Variants in FAM222B observed in about 807,000 individuals in gnomAD.
FAM222B encodes protein FAM222B.
In FAM222B, 12 loss-of-function variants were observed where a neutral mutation model predicts 38.0. That is an observed-to-expected ratio of 0.32 (90% CI 0.20 to 0.51). FAM222B has a LOEUF of 0.51. Ranked by LOEUF, FAM222B falls within the 20% of genes least tolerant of loss-of-function variation. The pLI is 0.97. For missense variants in FAM222B, 716 were observed against 754.2 expected, an observed-to-expected ratio of 0.95 and a Z score of 0.59; for synonymous variants, 329 against 317.2, an observed-to-expected ratio of 1.04 and a Z score of -0.40.
At chr17:28,845,726 T>C (rs2039141070), upstream of FAM222B, among the ~76,000 whole-genome samples, 1 of 148,722 alleles carries the variant, frequency 6.7e-6, no homozygotes, top group Admixed American at 6.8e-5. Flanking sequence ...AAACCCCATC[T>C]CTACTAAAAA....
At chr17:28,813,702 A>ATT (rs571045731) in intron 1 of FAM222B, among the ~76,000 whole-genome samples, 367 of 135,326 alleles carry the variant, frequency 2.7e-3, no homozygotes, top group South Asian at 0.01. Context: ...CGCCCAGCTA[A>ATT]TTTTTTTTTT....
chr17:28,771,803 T>C (rs1211370006), intron 1 of FAM222B, among the ~76,000 whole-genome samples: 4 of 149,774 alleles, frequency 2.7e-5, no homozygotes, highest in East Asian at 4.0e-4. Context: ...GCCTGTAATC[T>C]CAGCACTTTG....
At chr17:28,789,680 A>C (rs1351692129) in intron 1 of FAM222B, among the ~76,000 whole-genome samples, 1 of 152,168 alleles carries the variant, frequency 6.6e-6, no homozygotes, top group Non-Finnish European at 1.5e-5. Context: ...AACAGGGCCT[A>C]CTCTTGGTTT....
chr17:28,836,879 C>A (rs1000756152), intron 1 of FAM222B, among the ~76,000 whole-genome samples: 5 of 151,966 alleles, frequency 3.3e-5, no homozygotes, highest in Non-Finnish European at 7.4e-5. Flanking sequence ...GAGGGGTGGG[C>A]TCCTCCCTTA....
chr17:28,832,462 C>A (rs1171596142), intron 1 of FAM222B, among the ~76,000 whole-genome samples: 2 of 152,176 alleles, frequency 1.3e-5, no homozygotes, highest in Non-Finnish European at 2.9e-5. Context: ...ACTTTACAAA[C>A]AATGGTCCCT....
chr17:28,792,287 G>A (rs1435941418), intron 1 of FAM222B, among the ~76,000 whole-genome samples: 3 of 149,376 alleles, frequency 2.0e-5, no homozygotes, highest in Non-Finnish European at 3.0e-5. Flanking sequence ...ACTCCTGCCT[G>A]GGCGACCCAG....
At chr17:28,771,153 G>C (rs950117386) in intron 1 of FAM222B, among the ~76,000 whole-genome samples, 3 of 151,790 alleles carry the variant, frequency 2.0e-5, no homozygotes, top group African/African-American at 7.3e-5. Context: ...CTTTATAAAA[G>C]AACAGGAAAA....
chr17:28,769,126 C>T (rs981688488), intron 1 of FAM222B, among the ~76,000 whole-genome samples: 2 of 150,684 alleles, frequency 1.3e-5, no homozygotes, highest in Admixed American at 6.6e-5. Flanking sequence ...GTCTGTTCCA[C>T]GCTTACCCTT....
intron 1 of FAM222B, among the ~76,000 whole-genome samples, chr17:28,820,503 C>G (rs1370092023): frequency 6.6e-6 from 1 of 152,114 alleles, no homozygotes; most frequent in Non-Finnish European, 1.5e-5. Context: ...GTGAGTGTTT[C>G]TATTGATTGG....
At chr17:28,847,962 A>T (rs1395482272) in intron 1 of FAM222B, among the ~76,000 whole-genome samples, 1 of 151,990 alleles carries the variant, frequency 6.6e-6, no homozygotes, top group Non-Finnish European at 1.5e-5. Context: ...AAAATAGTGT[A>T]GTGAAGATGA....
intron 1 of FAM222B, among the ~76,000 whole-genome samples, chr17:28,838,449 G>A (rs972691941): frequency 6.0e-5 from 9 of 151,012 alleles, no homozygotes; most frequent in East Asian, 2.0e-4. Context: ...GCGTGGTGAC[G>A]GGCACCTGTA....
At chr17:28,818,513 C>T (rs2038105536) in intron 1 of FAM222B, among the ~76,000 whole-genome samples, 1 of 146,620 alleles carries the variant, frequency 6.8e-6, no homozygotes, top group Admixed American at 6.9e-5. Context: ...GTCTCCAGGG[C>T]GACAGAGCGA....
At chr17:28,847,969 A>G (rs563599924) in intron 1 of FAM222B, among the ~76,000 whole-genome samples, 1 of 152,060 alleles carries the variant, frequency 6.6e-6, no homozygotes, top group East Asian at 1.9e-4. Context: ...TGTAGTGAAG[A>G]TGAAGGAGAG....
At chr17:28,843,034 A>G (rs571935876), upstream of FAM222B, among the ~76,000 whole-genome samples, 8 of 152,178 alleles carry the variant, frequency 5.3e-5, no homozygotes, top group South Asian at 1.7e-3. Context: ...GCGCTTCCCC[A>G]AGGAGCCACA....
At chr17:28,772,366 G>A (rs1446543589) in intron 1 of FAM222B, among the ~76,000 whole-genome samples, 1 of 152,086 alleles carries the variant, frequency 6.6e-6, no homozygotes, top group Admixed American at 6.6e-5. Context: ...AGTAGGAGAT[G>A]TGGATCCTAA....
chr17:28,854,917 A>G, intron 1 of FAM222B: 2 of 1,140,748 alleles, frequency 1.8e-6, no homozygotes, highest in Non-Finnish European at 2.4e-6. Flanking sequence ...CCCACATCCC[A>G]TGTGTCTCGG....
chr17:28,795,415 C>T (rs2036893962), intron 1 of FAM222B, among the ~76,000 whole-genome samples: 1 of 152,144 alleles, frequency 6.6e-6, no homozygotes, highest in African/African-American at 2.4e-5. Context: ...AAACTGCTTA[C>T]AGGTGTAAGC....
chr17:28,796,437 G>A (rs1349891681), intron 1 of FAM222B, among the ~76,000 whole-genome samples: 1 of 152,096 alleles, frequency 6.6e-6, no homozygotes, highest in African/African-American at 2.4e-5. Context: ...CTTTGATAAA[G>A]ATGAATTTTA....
At chr17:28,787,344 C>A (rs1365259672) in intron 1 of FAM222B, among the ~76,000 whole-genome samples, 1 of 152,064 alleles carries the variant, frequency 6.6e-6, no homozygotes. Flanking sequence ...CCCTTTAGGC[C>A]CTTCCTTCTC....
Sources: gnomAD v4.1 joint callset for allele counts (sites outside exome capture counted in the v4.1 genomes callset) on GRCh38, gnomAD v4.1.1 for gene constraint, MANE v1.5 for transcripts, NCBI Gene and HGNC (gene_info 2026-07-23, HGNC 2026-07-21) for gene names.